The following MDGA2 variants were observed in gnomAD, a reference collection of about 807,000 sequenced individuals.
MDGA2 encodes MAM domain containing glycosylphosphatidylinositol anchor 2.
In MDGA2, 40 loss-of-function variants were observed where a neutral mutation model predicts 117.8. The ratio of observed to expected loss-of-function variants is 0.34; its 90% CI spans 0.26 to 0.44. MDGA2 has a LOEUF of 0.44. Among genes scored for constraint, MDGA2 ranks in the 20% least tolerant of loss-of-function variants. MDGA2 has a pLI of 1.00. For synonymous variants in MDGA2, 452 were observed against 439.0 expected (o/e 1.03, Z -0.37); for missense variants, 1,123 against 1,250.6 (o/e 0.90, Z 1.54).
chr14:47,591,633 G>T (rs1047279401), intron 1 of MDGA2, among the ~76,000 whole-genome samples: 1 of 152,056 alleles, frequency 6.6e-6, no homozygotes, highest in Admixed American at 6.6e-5. Flanking sequence ...TGCAAGTCTG[G>T]TTCAAAATAC....
Position 46,845,704 on chromosome 14 carries a change from T to A in MDGA2, c.2989+62A>T, listed in dbSNP as rs866607001. On this transcript the variant is annotated intron_variant, in intron 16 of 16. Transcript: ENST00000399232. The stretch of plus-strand genomic sequence containing the variant: ...TTTTTAAAATTAATTAAATTAAATG[T>A]TAATTTAATAGTAATGTTACTTTAA... 68 of 988,242 alleles carry A rather than the reference T, an allele frequency of 6.9e-5. No individual in the cohort carries two copies. The Middle Eastern group carries it at 4.1e-3, about 60-fold the overall frequency. The allele number at this position is 988,242 out of a possible 1,614,324, so 61.2% of individuals were successfully genotyped here. A position where few individuals can be genotyped will look rare whatever the true frequency, so the allele number is the denominator to read the frequency against.
chr14:47,099,139 CA>C (rs1316756080), intron 5 of MDGA2, among the ~76,000 whole-genome samples: 4 of 151,678 alleles, frequency 2.6e-5, no homozygotes, highest in Non-Finnish European at 5.9e-5. Flanking sequence ...AGATAGACCA[CA>C]AAACAGCTAA....
At chr14:47,583,226 T>C (rs1896261307) in intron 1 of MDGA2, among the ~76,000 whole-genome samples, 1 of 151,790 alleles carries the variant, frequency 6.6e-6, no homozygotes, top group Non-Finnish European at 1.5e-5. Context: ...AGACTTAAGA[T>C]AGAATGACGT....
chr14:46,906,383 C>T (rs1007895357), intron 10 of MDGA2, among the ~76,000 whole-genome samples: 1 of 151,864 alleles, frequency 6.6e-6, no homozygotes, highest in Non-Finnish European at 1.5e-5. Flanking sequence ...TAGTTGGGAC[C>T]AGAATTACTG....
At chr14:47,319,607 C>T (rs965314442) in intron 1 of MDGA2, among the ~76,000 whole-genome samples, 12 of 152,184 alleles carry the variant, frequency 7.9e-5, no homozygotes, top group Middle Eastern at 3.4e-3. Flanking sequence ...ATTATCAAAG[C>T]TTTATTTTCC....
intron 1 of MDGA2, among the ~76,000 whole-genome samples, chr14:47,495,202 G>A (rs1051267708): frequency 3.9e-5 from 6 of 152,078 alleles, no homozygotes; most frequent in African/African-American, 1.4e-4. Context: ...TCACTTATAA[G>A]TGGGAGTAAA....
intron 1 of MDGA2, among the ~76,000 whole-genome samples, chr14:47,648,655 G>A (rs549330963): frequency 1.3e-5 from 2 of 148,388 alleles, no homozygotes; most frequent in South Asian, 4.8e-4. Flanking sequence ...TGGCAGACAG[G>A]GGACCAGGAA....
intron 1 of MDGA2, among the ~76,000 whole-genome samples, chr14:47,454,796 G>T (rs939903821): frequency 5.9e-5 from 9 of 152,148 alleles, no homozygotes; most frequent in African/African-American, 2.2e-4. Flanking sequence ...CAGGATGTCT[G>T]CAGACCTGGA....
At chr14:47,021,028 T>C (rs1888266976) in intron 8 of MDGA2, among the ~76,000 whole-genome samples, 1 of 152,126 alleles carries the variant, frequency 6.6e-6, no homozygotes, top group Admixed American at 6.5e-5. Flanking sequence ...CTTTGTAAAA[T>C]TTATCTTCTT....
At chr14:47,021,754 A>C (rs1372901948) in intron 8 of MDGA2, among the ~76,000 whole-genome samples, 6 of 152,172 alleles carry the variant, frequency 3.9e-5, no homozygotes, top group Non-Finnish European at 2.9e-5. Flanking sequence ...AGAGACCATC[A>C]TACTAAGCCC....
intron 1 of MDGA2, among the ~76,000 whole-genome samples, chr14:47,609,371 C>T (rs903842531): frequency 1.5e-5 from 2 of 134,198 alleles, no homozygotes; most frequent in Admixed American, 8.0e-5. Flanking sequence ...CACTCTTATC[C>T]AGGTCACTGT....
Position 47,602,810 on chromosome 14 carries a change from G to A in MDGA2, c.280+71707C>T, listed in dbSNP as rs751822322. Among the ~76,000 whole-genome samples the A allele has an allele frequency of 1.1e-4, 16 of 152,252 alleles. No homozygotes were observed. The South Asian group carries it at 1.4e-3, about 14-fold the overall frequency. On this transcript the variant is annotated intron_variant, in intron 1 of 16. Coordinates refer to ENST00000399232, the MANE Select transcript of MDGA2 (RefSeq NM_001113498.3). ...TCAGGGCTCAAGGACTGTGAAATAC[G>A]TTGTACTATATAGAGAAATGGCTCC...
intron 2 of MDGA2, among the ~76,000 whole-genome samples, chr14:47,222,490 G>A (rs1886338828): frequency 1.3e-5 from 2 of 152,006 alleles, no homozygotes. Context: ...ACACGCAATT[G>A]CAGTAGAAAG....
At chr14:47,088,576 C>G (rs1236356299) in intron 6 of MDGA2, among the ~76,000 whole-genome samples, 1 of 152,104 alleles carries the variant, frequency 6.6e-6, no homozygotes, top group Non-Finnish European at 1.5e-5. Flanking sequence ...GGAAATTCAC[C>G]ACTAATTTAT....
intron 1 of MDGA2, among the ~76,000 whole-genome samples, chr14:47,362,862 G>GT (rs2138374198): frequency 6.6e-6 from 1 of 152,266 alleles, no homozygotes; most frequent in South Asian, 2.1e-4. Context: ...CCATATTAGT[G>GT]TATTGAACAC....
chr14:47,228,114 G>A (rs1045362434), intron 2 of MDGA2, among the ~76,000 whole-genome samples: 4 of 151,942 alleles, frequency 2.6e-5, no homozygotes, highest in Non-Finnish European at 4.4e-5. Flanking sequence ...AGTCCACCTT[G>A]ATGAAAAGAG....
intron 10 of MDGA2, among the ~76,000 whole-genome samples, chr14:46,890,243 T>C (rs371518704): frequency 1.3e-5 from 2 of 152,060 alleles, no homozygotes; most frequent in East Asian, 1.9e-4. Flanking sequence ...TCACCTTTCT[T>C]GTTTTGTGCA....
intron 2 of MDGA2, among the ~76,000 whole-genome samples, chr14:47,288,112 C>T (rs1888751600): frequency 6.6e-6 from 1 of 150,382 alleles, no homozygotes; most frequent in Non-Finnish European, 1.5e-5. Context: ...TATGGAAGCC[C>T]AAGGGAAGTA....
chr14:47,034,553 C>G (rs1888772192), intron 8 of MDGA2, among the ~76,000 whole-genome samples: 1 of 152,036 alleles, frequency 6.6e-6, no homozygotes, highest in South Asian at 2.1e-4. Flanking sequence ...CAAAGAGATG[C>G]TTGAAATAGG....
Sources: allele counts gnomAD v4.1 joint callset (sites outside exome capture counted in the v4.1 genomes callset), GRCh38; gene constraint gnomAD v4.1.1; transcripts MANE v1.5; gene names NCBI Gene and HGNC (gene_info 2026-07-23, HGNC 2026-07-21).